ZBTB44: variants seen among roughly 807,000 people sequenced by gnomAD.
ZBTB44 encodes the protein zinc finger and BTB domain containing 44.
ZBTB44 carries 15 observed loss-of-function variants against 54.0 expected under a neutral mutation model. The observed-to-expected ratio is 0.28, with a 90% confidence interval of 0.19 to 0.43. The LOEUF (loss-of-function observed/expected upper bound fraction) is 0.43, where lower values mean the gene tolerates loss of function less well. Among genes scored for constraint, ZBTB44 ranks in the 20% least tolerant of loss-of-function variants. The pLI is 1.00. For missense variants in ZBTB44, 487 were observed against 707.1 expected (o/e 0.69, Z 3.53); for synonymous variants, 230 against 250.1 (o/e 0.92, Z 0.76).
chr11:130,296,791 A>G (rs773483687), intron 1 of ZBTB44: 22 of 765,354 alleles, frequency 2.9e-5, no homozygotes, highest in African/African-American at 1.2e-4. Context: ...CAGGAAGCAT[A>G]TAAGTCATAC....
At chr11:130,259,171 G>C in intron 2 of ZBTB44, among the ~76,000 whole-genome samples, 1 of 152,272 alleles carries the variant, frequency 6.6e-6, no homozygotes, top group Non-Finnish European at 1.5e-5. Context: ...TAGATTCAGT[G>C]CTATCCCCAT....
At chr11:130,238,709 G>T (rs75072743) in intron 3 of ZBTB44, 102 bp from the exon 4 acceptor site, 22,492 of 1,225,822 alleles carry the variant, frequency 0.018, 630 homozygotes, top group African/African-American at 0.12. Flanking sequence ...AACACTTAAA[G>T]ACTTTTTGAA....
At chr11:130,264,814 A>C (rs961308484) in intron 1 of ZBTB44, among the ~76,000 whole-genome samples, 5 of 152,212 alleles carry the variant, frequency 3.3e-5, no homozygotes, top group African/African-American at 1.2e-4. Context: ...TAAACTTTGC[A>C]AATATTGTGT....
chr11:130,293,673 G>A (rs934891003), intron 1 of ZBTB44, among the ~76,000 whole-genome samples: 25 of 151,024 alleles, frequency 1.7e-4, no homozygotes, highest in African/African-American at 5.4e-4. Context: ...GGTGCACGCC[G>A]TCATCTCAGC....
At chr11:130,284,334 T>C (rs1300865157) in intron 1 of ZBTB44, among the ~76,000 whole-genome samples, 2 of 152,170 alleles carry the variant, frequency 1.3e-5, no homozygotes, top group Admixed American at 6.5e-5. Context: ...ATTGGTAAAA[T>C]AAAATTCAAG....
chr11:130,285,270 G>C (rs1940868191), intron 1 of ZBTB44: 1 of 154,208 alleles, frequency 6.5e-6, no homozygotes, highest in Non-Finnish European at 1.5e-5. Flanking sequence ...CTCCATCGTA[G>C]GTGGAGTTAT....
intron 1 of ZBTB44, among the ~76,000 whole-genome samples, chr11:130,276,826 T>C (rs1358662809): frequency 6.6e-6 from 1 of 152,212 alleles, no homozygotes; most frequent in Non-Finnish European, 1.5e-5. Flanking sequence ...TGTATTTTGG[T>C]ATTCTGTTAT....
intron 1 of ZBTB44, among the ~76,000 whole-genome samples, chr11:130,299,945 G>C (rs1413266912): frequency 1.3e-5 from 2 of 152,036 alleles, no homozygotes; most frequent in African/African-American, 2.4e-5. Flanking sequence ...AATGAGATGT[G>C]GCATAAATAC....
intron 1 of ZBTB44, among the ~76,000 whole-genome samples, chr11:130,288,829 G>A (rs1405128228): frequency 6.6e-6 from 1 of 151,394 alleles, no homozygotes; most frequent in African/African-American, 2.4e-5. Flanking sequence ...CCCGGGAGGC[G>A]GAGGTTGCAG....
chr11:130,258,172 A>G (rs151116303), intron 2 of ZBTB44, among the ~76,000 whole-genome samples: 39 of 152,376 alleles, frequency 2.6e-4, no homozygotes, highest in Admixed American at 7.2e-4. Context: ...ACTGTAAGAC[A>G]TATCTGGATT....
chr11:130,308,224 T>C (rs1442388105), intron 1 of ZBTB44, among the ~76,000 whole-genome samples: 3 of 152,200 alleles, frequency 2.0e-5, no homozygotes, highest in African/African-American at 7.2e-5. Flanking sequence ...CTAAGTACAC[T>C]TTATGATGTT....
intron 1 of ZBTB44, among the ~76,000 whole-genome samples, chr11:130,281,540 T>C (rs1173574445): frequency 6.6e-6 from 1 of 150,638 alleles, no homozygotes; most frequent in Admixed American, 6.6e-5. Context: ...AATAAATAAA[T>C]AAATAAATAA....
At chr11:130,242,585 T>G (rs1565647072) in intron 2 of ZBTB44, among the ~76,000 whole-genome samples, 1 of 152,196 alleles carries the variant, frequency 6.6e-6, no homozygotes, top group Non-Finnish European at 1.5e-5. Flanking sequence ...TTTTCAAATA[T>G]AATTCATTCT....
chr11:130,311,370 G>A (rs1244526467), intron 1 of ZBTB44, among the ~76,000 whole-genome samples: 1 of 151,908 alleles, frequency 6.6e-6, no homozygotes, highest in Admixed American at 6.6e-5. Flanking sequence ...CACCACGCCT[G>A]GCTAATTTTT....
Position 130,228,724 on chromosome 11 carries a change from G to T in ZBTB44, c.*3040C>A, listed in dbSNP as rs1459532861. ...TTTTTCATCTGTTTTATTGAATAAT[G>T]AAATCTAAATGTGGCTAGATTGGCA... is the stretch of plus-strand genomic sequence containing the variant. On this transcript the variant is annotated 3_prime_UTR_variant, in exon 8 of 8. Coordinates refer to ENST00000357899, the MANE Select transcript of ZBTB44 (RefSeq NM_001301098.2). 12 of 152,148 alleles carry T rather than the reference G, an allele frequency of 7.9e-5. No homozygotes were observed. The highest frequency in any genetic ancestry group is 7.9e-4 in the Admixed American group (12 of 15,268). The allele number at this position is 152,148 out of a possible 1,614,324, so 9.4% of individuals were successfully genotyped here. A position where few individuals can be genotyped will look rare whatever the true frequency, so the allele number is the denominator to read the frequency against.
chr11:130,256,880 A>T (rs938031246), intron 2 of ZBTB44, among the ~76,000 whole-genome samples: 13 of 152,128 alleles, frequency 8.5e-5, no homozygotes, highest in African/African-American at 3.1e-4. Flanking sequence ...TCAACACAGT[A>T]CTGGAAGTTC....
intron 1 of ZBTB44, among the ~76,000 whole-genome samples, chr11:130,278,242 T>C (rs1273709833): frequency 1.3e-5 from 2 of 152,210 alleles, no homozygotes; most frequent in Non-Finnish European, 2.9e-5. Flanking sequence ...CTCAAAACAC[T>C]GACATTAGCT....
At chr11:130,289,448 C>A (rs1314281531) in intron 1 of ZBTB44, among the ~76,000 whole-genome samples, 1 of 150,654 alleles carries the variant, frequency 6.6e-6, no homozygotes, top group African/African-American at 2.5e-5. Context: ...CACTGCACTT[C>A]CAGCTCCAGG....
intron 2 of ZBTB44, among the ~76,000 whole-genome samples, chr11:130,257,323 C>T (rs990170503): frequency 1.3e-5 from 2 of 150,922 alleles, no homozygotes; most frequent in Middle Eastern, 3.2e-3. Context: ...AGGGTCTTAG[C>T]AGATGTAATC....
Sources: gnomAD v4.1 joint callset for allele counts (sites outside exome capture counted in the v4.1 genomes callset) on GRCh38, gnomAD v4.1.1 for gene constraint, MANE v1.5 for transcripts, NCBI Gene and HGNC (gene_info 2026-07-23, HGNC 2026-07-21) for gene names.